DRC5: variants seen among roughly 807,000 people sequenced by gnomAD.
DRC5 encodes dynein regulatory complex subunit 5.
chr6:44,282,194 C>A, the DRC5 span: 1 of 1,614,160 alleles, frequency 6.2e-7, no homozygotes, highest in East Asian at 2.2e-5. Flanking sequence ...TGGCGGTGGG[C>A]TCAGACAGCT....
At chr6:44,294,210 G>A in the DRC5 span, among the ~76,000 whole-genome samples, 3 of 152,140 alleles carry the variant, frequency 2.0e-5, no homozygotes, top group South Asian at 2.1e-4. Flanking sequence ...TTGAACTCTC[G>A]ACCTCAGGTG....
At chr6:44,289,512 A>T in the DRC5 span, among the ~76,000 whole-genome samples, 1 of 152,070 alleles carries the variant, frequency 6.6e-6, no homozygotes, top group African/African-American at 2.4e-5. Context: ...TGTTTCAGAG[A>T]GTGCAGGTTG....
the DRC5 span, among the ~76,000 whole-genome samples, chr6:44,290,206 G>A: frequency 2.0e-5 from 3 of 152,114 alleles, no homozygotes; most frequent in Non-Finnish European, 4.4e-5. Flanking sequence ...TAGTGGTACC[G>A]GCTGACTTTG....
chr6:44,280,196 C>A, the DRC5 span: 1 of 1,614,104 alleles, frequency 6.2e-7, no homozygotes, highest in East Asian at 2.2e-5. Flanking sequence ...CCACAGAGTT[C>A]TCAGGGCCAT....
At chr6:44,287,985 G>A in the DRC5 span, 1 of 878,334 alleles carries the variant, frequency 1.1e-6, no homozygotes, top group African/African-American at 1.7e-5. Flanking sequence ...ACTAAGAGAG[G>A]TGGTACAGAA....
At chr6:44,294,027 G>A in the DRC5 span, among the ~76,000 whole-genome samples, 1 of 151,408 alleles carries the variant, frequency 6.6e-6, no homozygotes, top group East Asian at 1.9e-4. Flanking sequence ...TTGTTGCCCA[G>A]GCTGGAGTGC....
chr6:44,282,357 C>T, the DRC5 span: 2 of 1,614,090 alleles, frequency 1.2e-6, no homozygotes, highest in African/African-American at 2.7e-5. Context: ...GGACTGGGCA[C>T]CGGGTGCACG....
At chr6:44,282,443 G>T in the DRC5 span, 1 of 1,613,556 alleles carries the variant, frequency 6.2e-7, no homozygotes, top group South Asian at 1.1e-5. Flanking sequence ...GTGCACCACG[G>T]TCTCCAATGA....
the DRC5 span, among the ~76,000 whole-genome samples, chr6:44,288,796 C>T: frequency 6.6e-6 from 1 of 151,852 alleles, no homozygotes; most frequent in South Asian, 2.1e-4. Context: ...GAGTTTGAGA[C>T]CAGCCTGGCC....
chr6:44,290,016 G>C, the DRC5 span, among the ~76,000 whole-genome samples: 1 of 152,222 alleles, frequency 6.6e-6, no homozygotes, highest in Non-Finnish European at 1.5e-5. Context: ...GGAAAAGCCT[G>C]GTTGAGAGGC....
At chr6:44,280,104 T>C in the DRC5 span, 1 of 1,323,136 alleles carries the variant, frequency 7.6e-7, no homozygotes, top group Non-Finnish European at 1.1e-6. Context: ...TCTGAACCAG[T>C]GTGATACTCT....
chr6:44,278,842 T>G, the DRC5 span: 1 of 150,778 alleles, frequency 6.6e-6, no homozygotes, highest in Non-Finnish European at 1.5e-5. Context: ...GTTTCTCTAA[T>G]TAGAACTTCT....
At chr6:44,288,445 G>A in the DRC5 span, among the ~76,000 whole-genome samples, 1 of 152,122 alleles carries the variant, frequency 6.6e-6, no homozygotes, top group African/African-American at 2.4e-5. Flanking sequence ...AATTCAGTCT[G>A]TCAAATTCAT....
At chr6:44,290,321 T>C in the DRC5 span, among the ~76,000 whole-genome samples, 269 of 152,304 alleles carry the variant, frequency 1.8e-3, 1 homozygote, top group Middle Eastern at 0.01. Flanking sequence ...AATATCTTCC[T>C]ACATGGGCTG....
chr6:44,282,131 C>G, the DRC5 span: 11 of 1,613,412 alleles, frequency 6.8e-6, no homozygotes, highest in African/African-American at 9.3e-5. Flanking sequence ...GGTTGCAGGA[C>G]AGGTTGATGC....
chr6:44,282,184 T>A, the DRC5 span: 1 of 1,614,132 alleles, frequency 6.2e-7, no homozygotes, highest in Non-Finnish European at 8.5e-7. Flanking sequence ...GACAGGAGTG[T>A]GGCGGTGGGC....
At chr6:44,288,994 A>AAT in the DRC5 span, among the ~76,000 whole-genome samples, 1 of 32,934 alleles carries the variant, frequency 3.0e-5, no homozygotes, top group Non-Finnish European at 6.5e-5. Flanking sequence ...ACTCTGTCTC[A>AAT]AAAAAAAAAA....
At chr6:44,280,498 C>T in the DRC5 span, 1 of 766,704 alleles carries the variant, frequency 1.3e-6, no homozygotes, top group Admixed American at 2.7e-5. Context: ...TTTCACAAAA[C>T]AATACTTAAC....
At chr6:44,291,187 T>C in the DRC5 span, among the ~76,000 whole-genome samples, 3 of 152,328 alleles carry the variant, frequency 2.0e-5, no homozygotes, top group African/African-American at 7.2e-5. Context: ...TAAGGCCTGA[T>C]GTCATTTTAA....
Sources: allele counts gnomAD v4.1 joint callset (sites outside exome capture counted in the v4.1 genomes callset), GRCh38; gene constraint gnomAD v4.1.1; transcripts MANE v1.5; gene names NCBI Gene and HGNC (gene_info 2026-07-23, HGNC 2026-07-21).